The following OLFM3 variants were observed in gnomAD, a reference collection of about 807,000 sequenced individuals.
OLFM3 encodes noelin-3.
Under a neutral mutation model 48.6 loss-of-function variants are expected in OLFM3, and 20 were observed. The observed-to-expected ratio is 0.41, with a 90% CI of 0.29 to 0.60. OLFM3 has a LOEUF of 0.60. Among genes scored for constraint, OLFM3 ranks in the 20% least tolerant of loss-of-function variants. OLFM3 has a pLI of 0.28. For synonymous variants in OLFM3, 222 were observed against 198.1 expected, an observed-to-expected ratio of 1.12 and a Z score of -1.01; for missense variants, 437 against 544.3, an observed-to-expected ratio of 0.80 and a Z score of 1.96.
chr1:101,903,733 C>G (rs1013454068), intron 1 of OLFM3, among the ~76,000 whole-genome samples: 1 of 151,982 alleles, frequency 6.6e-6, no homozygotes, highest in Non-Finnish European at 1.5e-5. Context: ...AAAAATACAG[C>G]TTTATATATT....
intron 1 of OLFM3, among the ~76,000 whole-genome samples, chr1:101,981,237 G>A (rs1331206195): frequency 6.6e-6 from 1 of 151,742 alleles, no homozygotes; most frequent in East Asian, 1.9e-4. Context: ...CCGAGAAAAT[G>A]AAAGCAACTA....
chr1:101,816,281 A>T lies in OLFM3; in HGVS notation c.592+8745T>A, dbSNP rs553201978. 1.5e-3 allele frequency among the ~76,000 whole-genome samples: 223 copies of T among 152,310 alleles called. 1 individual carries two copies. The highest frequency in any genetic ancestry group is 0.01 in the Middle Eastern group (3 of 294). On this transcript the variant is annotated intron_variant, in intron 4 of 5. Transcript: ENST00000370103. ...AGAAGCAGGGAGACAGGAGTAGGAA[A>T]ATATGAGATTACAGGAAGTTTTTAT...
intron 2 of OLFM3, among the ~76,000 whole-genome samples, chr1:101,835,605 A>T (rs1655364103): frequency 6.6e-6 from 1 of 152,224 alleles, no homozygotes; most frequent in South Asian, 2.1e-4. Flanking sequence ...GTGAGCCAGC[A>T]CACCTGGCCT....
intron 4 of OLFM3, among the ~76,000 whole-genome samples, chr1:101,821,830 T>C: frequency 6.6e-6 from 1 of 152,150 alleles, no homozygotes; most frequent in East Asian, 1.9e-4. Flanking sequence ...ACCGATTTTA[T>C]TGCTATTTGA....
At chr1:101,846,276 G>A (rs1272519374) in intron 1 of OLFM3, among the ~76,000 whole-genome samples, 2 of 152,148 alleles carry the variant, frequency 1.3e-5, no homozygotes, top group Non-Finnish European at 2.9e-5. Flanking sequence ...TATCAAGTAA[G>A]TTTTCTATTG....
chr1:101,842,359 C>T (rs544549588), intron 1 of OLFM3, among the ~76,000 whole-genome samples: 60 of 152,094 alleles, frequency 3.9e-4, no homozygotes, highest in Non-Finnish European at 8.2e-4. Context: ...CATAATGAGA[C>T]CCCCTCATCT....
chr1:101,874,084 T>C (rs1305632524), intron 1 of OLFM3, among the ~76,000 whole-genome samples: 1 of 151,940 alleles, frequency 6.6e-6, no homozygotes, highest in Non-Finnish European at 1.5e-5. Context: ...ATCGTAGCTT[T>C]GTAGTCCCCT....
chr1:101,993,028 G>A (rs554114658), intron 1 of OLFM3, among the ~76,000 whole-genome samples: 52 of 152,174 alleles, frequency 3.4e-4, no homozygotes, highest in Non-Finnish European at 6.6e-4. Flanking sequence ...AACTCAGCAC[G>A]GTTCCCCTGA....
In OLFM3 at chr1:101,967,590, G is replaced by GAAAAAAA. The variant is rs71592233; in HGVS notation, c.69+29151_69+29157dup. Among the ~76,000 whole-genome samples the GAAAAAAA allele has an allele frequency of 9.3e-3, 416 of 44,582 alleles. 18 individuals carry two copies. Among genetic ancestry groups the GAAAAAAA allele is most frequent in the Non-Finnish European group, 0.012 (341 of 27,666 alleles). The allele number at this position is 44,582 out of a possible 152,430, so 29.2% of individuals were successfully genotyped here. On this transcript the variant is annotated intron_variant, in intron 1 of 5. Coordinates refer to ENST00000370103, the MANE Select transcript of OLFM3 (RefSeq NM_058170.4). ...CCTTTTTACTTCCATCCTAGTCAGT[G>GAAAAAAA]AAAAAAAAAAAAAAAAAAAAAAAAG...
At position 101,893,964 on chromosome 1, in the gene OLFM3, C is replaced by A. The variant is rs114248035; in HGVS notation, c.70-56939G>T. The A allele has an allele frequency of 9.7e-3, 1,487 of 153,574 alleles. 35 individuals are homozygous for A. Among genetic ancestry groups the A allele is most frequent in the African/African-American group, 0.034 (1,402 of 41,584 alleles). 9.5% of individuals were successfully genotyped at this position (153,574 alleles called of 1,614,324 possible). On this transcript the variant is annotated intron_variant, in intron 1 of 5. Coordinates refer to ENST00000370103, the MANE Select transcript of OLFM3 (RefSeq NM_058170.4). ...AGATGATGCTGATGCCACTACAGTG[C>A]AGAAGCAAATGTGGGACCATTACAA...
chr1:101,995,000 T>C (rs972552286), intron 1 of OLFM3, among the ~76,000 whole-genome samples: 1 of 152,090 alleles, frequency 6.6e-6, no homozygotes, highest in African/African-American at 2.4e-5. Flanking sequence ...TTTAAAAATG[T>C]CTTCATATTT....
At chr1:101,966,317 T>TTTTGTGTGTGTGTGTGTGTGTG (rs371512942) in intron 1 of OLFM3, among the ~76,000 whole-genome samples, 25 of 128,154 alleles carry the variant, frequency 2.0e-4, no homozygotes, top group South Asian at 1.1e-3. Context: ...CCTGGCTAAT[T>TTTTGTGTGTGTGTGTGTGTGTG]TGTGTGTGTG....
In OLFM3 at chr1:101,803,641, A is replaced by G. The variant is rs1350894496; in HGVS notation, c.*597T>C. On this transcript the variant is annotated 3_prime_UTR_variant, in exon 6 of 6. Transcript: ENST00000370103. ...CACAGAAGTGAAGAGATACAATAGC[A>G]CAATGGTGGTTACAATGGTAGAAAT... The G allele has an allele frequency of 6.6e-6, 1 of 152,260 alleles. No homozygotes were observed. The highest frequency in any genetic ancestry group is 2.4e-5 in the African/African-American group (1 of 41,402). 9.4% of individuals were successfully genotyped at this position (152,260 alleles called of 1,614,324 possible). A position where few individuals can be genotyped will look rare whatever the true frequency, so the allele number is the denominator to read the frequency against.
At chr1:101,807,902 TA>T (rs1013099406) in intron 4 of OLFM3, among the ~76,000 whole-genome samples, 20 of 151,804 alleles carry the variant, frequency 1.3e-4, no homozygotes, top group Non-Finnish European at 2.7e-4. Flanking sequence ...TACAAATACA[TA>T]AACAATATAT....
chr1:101,853,170 A>T (rs1192119874), intron 1 of OLFM3, among the ~76,000 whole-genome samples: 1 of 151,994 alleles, frequency 6.6e-6, no homozygotes, highest in Non-Finnish European at 1.5e-5. Flanking sequence ...TATCACTCTG[A>T]TTTCATTTCT....
At chr1:101,922,391 G>A (rs76950691) in intron 1 of OLFM3, among the ~76,000 whole-genome samples, 4,213 of 152,184 alleles carry the variant, frequency 0.028, 126 homozygotes, top group East Asian at 0.16. Flanking sequence ...TTTGAACACC[G>A]TACATACAGG....
At chr1:101,953,235 T>C (rs1218815949) in intron 1 of OLFM3, among the ~76,000 whole-genome samples, 1 of 152,270 alleles carries the variant, frequency 6.6e-6, no homozygotes. Flanking sequence ...GCTCACATTG[T>C]ATTTCTACTG....
At chr1:101,881,071 T>C (rs919815199) in intron 1 of OLFM3, among the ~76,000 whole-genome samples, 2 of 151,910 alleles carry the variant, frequency 1.3e-5, no homozygotes, top group African/African-American at 4.8e-5. Flanking sequence ...CTTAGCGGGC[T>C]TGCTGAGTGT....
chr1:101,965,852 C>T (rs1472455549), intron 1 of OLFM3, among the ~76,000 whole-genome samples: 2 of 152,160 alleles, frequency 1.3e-5, no homozygotes, highest in African/African-American at 2.4e-5. Context: ...AATGTGTTTG[C>T]AGGGAAAGGG....
Sources: gnomAD v4.1 joint callset for allele counts (sites outside exome capture counted in the v4.1 genomes callset) on GRCh38, gnomAD v4.1.1 for gene constraint, MANE v1.5 for transcripts, NCBI Gene and HGNC (gene_info 2026-07-23, HGNC 2026-07-21) for gene names.